NRG3: variants seen among roughly 807,000 people sequenced by gnomAD.
The protein encoded by NRG3 is neuregulin 3.
NRG3 carries 31 observed loss-of-function variants against 66.9 expected under a neutral mutation model. The observed-to-expected ratio is 0.46, with a 90% CI of 0.35 to 0.63. The LOEUF is 0.63. Among genes scored for constraint, NRG3 ranks in the 20% least tolerant of loss-of-function variants. The pLI is 0.00. For synonymous variants in NRG3, 393 were observed against 359.4 expected, an observed-to-expected ratio of 1.09 and a Z score of -1.06; for missense variants, 910 against 878.9, an observed-to-expected ratio of 1.04 and a Z score of -0.45.
chr10:82,285,863 C>T (rs1387778760), intron 1 of NRG3, among the ~76,000 whole-genome samples: 1 of 152,176 alleles, frequency 6.6e-6, no homozygotes, highest in Admixed American at 6.5e-5. Flanking sequence ...CAGAATAGAG[C>T]TTCTTTATTC....
At chr10:81,944,310 C>G (rs1240597621) in intron 1 of NRG3, among the ~76,000 whole-genome samples, 1 of 152,110 alleles carries the variant, frequency 6.6e-6, no homozygotes, top group Non-Finnish European at 1.5e-5. Context: ...TCTGATATAC[C>G]AACGATAAAC....
chr10:82,817,072 G>T lies in NRG3; in HGVS notation c.1028-48339G>T, dbSNP rs191371313. On this transcript the variant is annotated intron_variant, in intron 3 of 8. Coordinates refer to ENST00000372141, the MANE Select transcript of NRG3 (RefSeq NM_001010848.4). The stretch of plus-strand genomic sequence containing the variant: ...TTGGTTTTAAATTCTAAATGATCTT[G>T]CCTTTTCCACGCTGCTGAAAAGATT... Among the ~76,000 whole-genome samples the T allele has an allele frequency of 8.5e-5, 13 of 152,308 alleles. No individual in the cohort carries two copies. The East Asian group carries it at 1.2e-3, about 14-fold the overall frequency.
chr10:81,881,757 T>G (rs1458336610), intron 1 of NRG3, among the ~76,000 whole-genome samples: 1 of 152,312 alleles, frequency 6.6e-6, no homozygotes, highest in Non-Finnish European at 1.5e-5. Context: ...GGGCGAAGGC[T>G]TTTTCTAAGT....
intron 1 of NRG3, among the ~76,000 whole-genome samples, chr10:82,220,189 TG>T (rs2075871998): frequency 1.8e-5 from 1 of 55,426 alleles, no homozygotes; most frequent in African/African-American, 2.1e-4. Context: ...ATCTTTACTG[TG>T]TGTGTGTGTG....
At chr10:82,865,898 C>T (rs1219097185) in intron 4 of NRG3, among the ~76,000 whole-genome samples, 1 of 152,118 alleles carries the variant, frequency 6.6e-6, no homozygotes, top group Non-Finnish European at 1.5e-5. Context: ...CCTTTGGATA[C>T]ATTTTGGTAT....
intron 1 of NRG3, among the ~76,000 whole-genome samples, chr10:81,903,635 C>T (rs1268396915): frequency 1.3e-5 from 2 of 152,174 alleles, no homozygotes; most frequent in Non-Finnish European, 2.9e-5. Context: ...TGGTTTCGAA[C>T]ACTCCAGTGA....
intron 2 of NRG3, among the ~76,000 whole-genome samples, chr10:82,649,084 C>T (rs555860253): frequency 2.0e-5 from 3 of 152,196 alleles, no homozygotes; most frequent in African/African-American, 4.8e-5. Context: ...TGCCCTCTCT[C>T]ACCACTCCTA....
rs2132272168 is a variant in NRG3, at chr10:82,493,490, A to G, written c.953+134622A>G. On this transcript the variant is annotated intron_variant, in intron 2 of 8. Coordinates refer to ENST00000372141, the MANE Select transcript of NRG3 (RefSeq NM_001010848.4). ...CCTTTTTATGGCTGCATAGTATTCCATGGTGTATATGTACCACATTTTCTT... is the reference window on the plus strand; with the variant it reads ...CCTTTTTATGGCTGCATAGTATTCCGTGGTGTATATGTACCACATTTTCTT... 2.0e-5 allele frequency among the ~76,000 whole-genome samples: 3 copies of G among 152,288 alleles called. No homozygotes were observed. In the Middle Eastern group the frequency reaches 0.01, roughly 518 times the overall value.
At chr10:82,048,849 C>T (rs1027057402) in intron 1 of NRG3, among the ~76,000 whole-genome samples, 17 of 150,850 alleles carry the variant, frequency 1.1e-4, no homozygotes, top group African/African-American at 2.9e-4. Flanking sequence ...TGATAGACCG[C>T]TAGCAAGACT....
Position 82,768,058 on chromosome 10 carries a change from G to A in NRG3, c.1027+29408G>A, listed in dbSNP as rs2059582639. Among the ~76,000 whole-genome samples the A allele has an allele frequency of 1.3e-5, 2 of 152,114 alleles. 1 individual carries two copies. The highest frequency in any genetic ancestry group is 4.1e-4 in the South Asian group (2 of 4,830). On this transcript the variant is annotated intron_variant, in intron 3 of 8. Transcript: ENST00000372141. ...CCCCAGATACCAGAATGTCACTGGAGTCACACTCTCTCAACAGATGGCCTT... is the reference window on the plus strand; with the variant it reads ...CCCCAGATACCAGAATGTCACTGGAATCACACTCTCTCAACAGATGGCCTT...
At position 82,456,501 on chromosome 10, in the gene NRG3, A is replaced by G. The variant is rs573006150; in HGVS notation, c.953+97633A>G. Among the ~76,000 whole-genome samples, 6 of 152,182 alleles carry G rather than the reference A, an allele frequency of 3.9e-5. No individual in the cohort carries two copies. In the East Asian group the frequency reaches 1.2e-3, roughly 29 times the overall value. On this transcript the variant is annotated intron_variant, in intron 2 of 8. Transcript: ENST00000372141. ...AAAGTAAGACAAAAACACACACACTAGTCTAGGCCTACTCAGGGTCAGAAT... is the reference window on the plus strand; with the variant it reads ...AAAGTAAGACAAAAACACACACACTGGTCTAGGCCTACTCAGGGTCAGAAT...
chr10:82,218,309 C>A (rs1311865086), intron 1 of NRG3, among the ~76,000 whole-genome samples: 1 of 152,172 alleles, frequency 6.6e-6, no homozygotes, highest in African/African-American at 2.4e-5. Flanking sequence ...ATTCTTTTCA[C>A]CAGCTGCATT....
At chr10:82,418,145 C>T (rs1164476122) in intron 2 of NRG3, among the ~76,000 whole-genome samples, 1 of 152,174 alleles carries the variant, frequency 6.6e-6, no homozygotes, top group Admixed American at 6.5e-5. Flanking sequence ...TAACTGTCAG[C>T]TCCTATAGTA....
chr10:82,892,679 A>C (rs113775315), intron 4 of NRG3, among the ~76,000 whole-genome samples: 6 of 140,556 alleles, frequency 4.3e-5, no homozygotes, highest in African/African-American at 1.4e-4. Context: ...AAATAAATAA[A>C]TAAATAAATA....
chr10:81,984,558 T>A (rs2060451894), intron 1 of NRG3, among the ~76,000 whole-genome samples: 1 of 152,202 alleles, frequency 6.6e-6, no homozygotes, highest in Non-Finnish European at 1.5e-5. Flanking sequence ...AACTTTTTTC[T>A]TCTTAAAATC....
chr10:81,914,262 A>G lies in NRG3; in HGVS notation c.823+38099A>G, dbSNP rs768460893. ...TTCAATTCTTTTCACACTCCTCTTC[A>G]TGTAACTTCATATTTGTATCCAGCA... On this transcript the variant is annotated intron_variant, in intron 1 of 8. Transcript: ENST00000372141. 6.4e-4 allele frequency among the ~76,000 whole-genome samples: 98 copies of G among 152,308 alleles called. 1 individual carries two copies. Among genetic ancestry groups the G allele is most frequent in the Non-Finnish European group, 1.3e-3 (87 of 68,010 alleles).
At position 82,464,027 on chromosome 10, in the gene NRG3, T is replaced by TA. The variant is rs550530588; in HGVS notation, c.953+105159_953+105160insA. 2.6e-5 allele frequency among the ~76,000 whole-genome samples: 4 copies of TA among 152,324 alleles called. No individual in the cohort carries two copies. The East Asian group carries it at 7.7e-4, about 29-fold the overall frequency. On this transcript the variant is annotated intron_variant, in intron 2 of 8. Coordinates refer to ENST00000372141, the MANE Select transcript of NRG3 (RefSeq NM_001010848.4). The stretch of plus-strand genomic sequence containing the variant: ...ATTTAGATTTTAGTAGTCAATATAA[T>TA]TGTATGACTTAGCTTTCAGTCTTTA...
intron 3 of NRG3, among the ~76,000 whole-genome samples, chr10:82,789,863 G>C (rs953013213): frequency 6.7e-6 from 1 of 150,288 alleles, no homozygotes; most frequent in Admixed American, 6.7e-5. Context: ...TATTTTTGTA[G>C]TGGTTTCCCT....
chr10:82,009,555 A>G (rs2061498720), intron 1 of NRG3, among the ~76,000 whole-genome samples: 1 of 152,128 alleles, frequency 6.6e-6, no homozygotes, highest in South Asian at 2.1e-4. Flanking sequence ...TCCCTCAGGT[A>G]TTTTTCTTAG....
Sources: gnomAD v4.1 joint callset for allele counts (sites outside exome capture counted in the v4.1 genomes callset) on GRCh38, gnomAD v4.1.1 for gene constraint, MANE v1.5 for transcripts, NCBI Gene and HGNC (gene_info 2026-07-23, HGNC 2026-07-21) for gene names.